Variants in CAPZA1 observed in about 807,000 individuals in gnomAD.
CAPZA1 encodes the protein F-actin-capping protein subunit alpha-1.
CAPZA1 carries 10 observed loss-of-function variants against 40.8 expected under a neutral mutation model. The ratio of observed to expected loss-of-function variants is 0.25; its 90% CI spans 0.15 to 0.42. The LOEUF (loss-of-function observed/expected upper bound fraction) is 0.42, where lower values mean the gene tolerates loss of function less well. Ranked by LOEUF, CAPZA1 falls within the 10% of genes least tolerant of loss-of-function variation. The pLI is 1.00. For missense variants in CAPZA1, 277 were observed against 353.8 expected (o/e 0.78, Z 1.74); for synonymous variants, 98 against 115.0 (o/e 0.85, Z 0.95).
At chr1:112,660,901 A>C (rs1671594578) in intron 7 of CAPZA1, among the ~76,000 whole-genome samples, 1 of 123,262 alleles carries the variant, frequency 8.1e-6, no homozygotes, top group Admixed American at 1.1e-4. Context: ...TCTGTCGCCC[A>C]GCCTGGAGTG....
intron 1 of CAPZA1, among the ~76,000 whole-genome samples, chr1:112,643,135 T>C (rs567230475): frequency 2.0e-5 from 3 of 152,224 alleles, no homozygotes; most frequent in Non-Finnish European, 4.4e-5. Flanking sequence ...TTACTGATTT[T>C]TTAAATAAGA....
intron 5 of CAPZA1, among the ~76,000 whole-genome samples, chr1:112,657,875 A>C (rs1005306489): frequency 2.0e-5 from 3 of 152,172 alleles, no homozygotes; most frequent in African/African-American, 7.2e-5. Flanking sequence ...TACAGGCTTG[A>C]GCCATTGCAC....
chr1:112,664,970 A>G (rs1300636453), intron 7 of CAPZA1, among the ~76,000 whole-genome samples: 1 of 152,162 alleles, frequency 6.6e-6, no homozygotes, highest in Non-Finnish European at 1.5e-5. Context: ...TATAAGTAAT[A>G]GTGAAGTGTT....
At chr1:112,624,064 C>T (rs1670748067) in intron 1 of CAPZA1, among the ~76,000 whole-genome samples, 1 of 150,162 alleles carries the variant, frequency 6.7e-6, no homozygotes. Flanking sequence ...GAGCATAAAG[C>T]CTAATAAGCA....
intron 1 of CAPZA1, among the ~76,000 whole-genome samples, chr1:112,623,542 G>A (rs183649023): frequency 9.1e-4 from 138 of 152,066 alleles, no homozygotes; most frequent in African/African-American, 3.2e-3. Flanking sequence ...TTAGCTGGGC[G>A]CAGTGGCACA....
At chr1:112,620,675 C>T (rs1670611715) in intron 1 of CAPZA1, 1 of 152,226 alleles carries the variant, frequency 6.6e-6, no homozygotes, top group African/African-American at 2.4e-5. Context: ...CTGAACAAAG[C>T]ATCCTGCCTT....
At chr1:112,652,359 A>G (rs2101170037) in intron 3 of CAPZA1, among the ~76,000 whole-genome samples, 1 of 151,136 alleles carries the variant, frequency 6.6e-6, no homozygotes, top group African/African-American at 2.4e-5. Context: ...GCACATGGTA[A>G]TCCCAGCTAC....
chr1:112,663,962 G>C (rs1465390440), intron 7 of CAPZA1, among the ~76,000 whole-genome samples: 2 of 151,960 alleles, frequency 1.3e-5, no homozygotes, highest in Non-Finnish European at 2.9e-5. Flanking sequence ...TGCCGGGCAC[G>C]GTGGCTCACG....
At chr1:112,662,395 CTTTTTTT>C (rs35100851) in intron 7 of CAPZA1, among the ~76,000 whole-genome samples, 223 of 97,260 alleles carry the variant, frequency 2.3e-3, no homozygotes, top group Admixed American at 4.1e-3. Context: ...TAGAATTTTT[CTTTTTTT>C]TTTTTTTTTT....
At chr1:112,667,007 T>G in intron 7 of CAPZA1, 67 bp from the exon 8 acceptor site, 3 of 1,079,882 alleles carry the variant, frequency 2.8e-6, no homozygotes, top group Non-Finnish European at 4.2e-6. Context: ...AAGCATGGAT[T>G]TGTGTCCTAA....
At chr1:112,666,145 C>G (rs1671721357) in intron 7 of CAPZA1, among the ~76,000 whole-genome samples, 1 of 152,174 alleles carries the variant, frequency 6.6e-6, no homozygotes. Context: ...TTGTTCTTCA[C>G]AGTCTGTGTT....
intron 1 of CAPZA1, among the ~76,000 whole-genome samples, chr1:112,643,970 A>G (rs1671231575): frequency 6.6e-6 from 1 of 151,762 alleles, no homozygotes; most frequent in African/African-American, 2.4e-5. Flanking sequence ...TCAGCCTCTC[A>G]AGTAGCTGGG....
chr1:112,641,690 A>G (rs1445803044), intron 1 of CAPZA1, among the ~76,000 whole-genome samples: 2 of 152,106 alleles, frequency 1.3e-5, no homozygotes, highest in East Asian at 3.9e-4. Flanking sequence ...GGAGTTCAAG[A>G]CGAGCCTAGC....
chr1:112,669,106 T>C (rs893781811), intron 8 of CAPZA1, among the ~76,000 whole-genome samples: 5 of 152,174 alleles, frequency 3.3e-5, no homozygotes, highest in East Asian at 1.9e-4. Context: ...AATAAAGGCA[T>C]ATGTGAGCTT....
intron 7 of CAPZA1, among the ~76,000 whole-genome samples, chr1:112,660,606 CAG>C: frequency 1.3e-5 from 2 of 152,152 alleles, no homozygotes; most frequent in East Asian, 3.9e-4. Flanking sequence ...ATGCTGATGT[CAG>C]GGTAGACAGG....
chr1:112,638,914 A>ATATAGATATAGATATAGATATAGG (rs1489797701), intron 1 of CAPZA1, among the ~76,000 whole-genome samples: 6 of 148,984 alleles, frequency 4.0e-5, no homozygotes, highest in Admixed American at 2.0e-4. Context: ...ATAGATATAG[A>ATATAGATATAGATATAGATATAGG]TATAGATATA....
Position 112,654,488 on chromosome 1 carries a change from C to G in CAPZA1, c.243C>G (p.Asp81Glu), listed in dbSNP as rs753042713. ...AGGTCTTAATTACAGAGCACGGTGA[C>G]CTGGGTAATAGCAGATTTTTAGATC... The part of the protein sequence containing the change: ...EDQVLITEHG[D>E]LGNSRFLDPR... The change falls in exon 5 of 10, where the codon GAC becomes GAG. Residue 81 changes from aspartate to glutamate, a missense_variant. This residue lies in a region of CAPZA1 where 192 missense variants were observed against 277.2 expected (regional missense o/e 0.69). Coordinates refer to ENST00000263168, the MANE Select transcript of CAPZA1 (RefSeq NM_006135.3). The G allele has an allele frequency of 6.2e-7, 1 of 1,613,416 alleles. No individual in the cohort carries two copies. Among genetic ancestry groups the G allele is most frequent in the Non-Finnish European group, 8.5e-7 (1 of 1,179,534 alleles).
intron 5 of CAPZA1, among the ~76,000 whole-genome samples, chr1:112,658,600 TCTA>T: frequency 6.6e-6 from 1 of 152,238 alleles, no homozygotes; most frequent in East Asian, 1.9e-4. Flanking sequence ...TTACTTTACA[TCTA>T]CTATTACATG....
intron 1 of CAPZA1, 72 bp from the exon 2 acceptor site, chr1:112,647,138 T>C: frequency 2.8e-6 from 2 of 717,920 alleles, no homozygotes; most frequent in Non-Finnish European, 4.5e-6. Context: ...AAATTTATAA[T>C]TTGTTAATTA....
Sources: gnomAD v4.1 joint callset for allele counts (sites outside exome capture counted in the v4.1 genomes callset) on GRCh38, gnomAD v4.1.1 for gene constraint, gnomAD v4.1.1 regional missense constraint, MANE v1.5 for transcripts, NCBI Gene and HGNC (gene_info 2026-07-23, HGNC 2026-07-21) for gene names.